TRAPPC10: variants seen among roughly 807,000 people sequenced by gnomAD.
TRAPPC10 encodes the protein trafficking protein particle complex subunit 10.
In TRAPPC10, 23 loss-of-function variants were observed where a neutral mutation model predicts 125.5. The ratio of observed to expected loss-of-function variants is 0.18; its 90% CI spans 0.13 to 0.26. The LOEUF (loss-of-function observed/expected upper bound fraction) is 0.26. TRAPPC10 is among the 10% of genes least tolerant of loss of function. The pLI, the probability that TRAPPC10 is intolerant of heterozygous loss-of-function variation, is 1.00. For synonymous variants in TRAPPC10, 509 were observed against 518.0 expected, an observed-to-expected ratio of 0.98 and a Z score of 0.24; for missense variants, 1,123 against 1,308.4, an observed-to-expected ratio of 0.86 and a Z score of 2.19.
At chr21:44,022,749 G>A (rs1432947830) in intron 1 of TRAPPC10, among the ~76,000 whole-genome samples, 1 of 151,742 alleles carries the variant, frequency 6.6e-6, no homozygotes, top group African/African-American at 2.4e-5. Context: ...AAATCTTCAT[G>A]TTCCCTCTGT....
Position 44,079,694 on chromosome 21 carries a change from C to G in TRAPPC10, c.1600C>G (p.Gln534Glu). 1 of 1,605,152 alleles carries G rather than the reference C, an allele frequency of 6.2e-7. No individual in the cohort carries two copies. Among genetic ancestry groups the G allele is most frequent in the Non-Finnish European group, 8.5e-7 (1 of 1,177,826 alleles). The change falls in exon 12 of 23, where the codon CAA becomes GAA. Residue 534 changes from glutamine (Q) to glutamate (E), a missense_variant. By Grantham distance (29) the Gln-to-Glu change is conservative (BLOSUM62 2). Transcript: ENST00000291574. ...GGCCGAATGTCAAAAGCACCTTGGA[C>G]AAATTGAAAAGTATCCTTTAATGTT... is the stretch of plus-strand genomic sequence containing the variant. ...QLAECQKHLGQIENYLQTSSL... is the reference protein window; with the variant it reads ...QLAECQKHLGEIENYLQTSSL...
intron 1 of TRAPPC10, 97 bp from the exon 2 acceptor site, chr21:44,031,993 TA>T: frequency 1.0e-6 from 1 of 976,704 alleles, no homozygotes; most frequent in Non-Finnish European, 1.6e-6. Flanking sequence ...TTACTAAACA[TA>T]AAACTACCTA....
Position 44,063,043 on chromosome 21 carries a change from C to G in TRAPPC10, c.791-495C>G, listed in dbSNP as rs1189299318. On this transcript the variant is annotated intron_variant, in intron 6 of 22. Coordinates refer to ENST00000291574, the MANE Select transcript of TRAPPC10 (RefSeq NM_003274.5). This position sits in a 1 kb window ranked among gnomAD's most constrained non-coding sequence, Gnocchi z 4.4. ...TGCTGCTACCAAGTCCTCCCTGTCC[C>G]TTCCTCCAGGAGCTTGACTCAGGGA... 1 of 1,304,292 alleles carries G rather than the reference C, an allele frequency of 7.7e-7. No individual in the cohort carries two copies. The highest frequency in any genetic ancestry group is 1.0e-6 in the Non-Finnish European group (1 of 989,100). 80.8% of individuals were successfully genotyped at this position (1,304,292 alleles called of 1,614,324 possible).
At chr21:44,033,484 A>T (rs1425251709) in intron 2 of TRAPPC10, among the ~76,000 whole-genome samples, 1 of 152,156 alleles carries the variant, frequency 6.6e-6, no homozygotes, top group African/African-American at 2.4e-5. Flanking sequence ...AAATGGAGTA[A>T]TCTGTAAGGG....
At chr21:44,025,170 G>C (rs1034210273) in intron 1 of TRAPPC10, among the ~76,000 whole-genome samples, 1 of 152,208 alleles carries the variant, frequency 6.6e-6, no homozygotes, top group Non-Finnish European at 1.5e-5. Context: ...GCGGGTTGCT[G>C]GGCTGAGGCA....
intron 7 of TRAPPC10, among the ~76,000 whole-genome samples, chr21:44,072,941 G>A (rs2036991292): frequency 6.6e-6 from 1 of 152,220 alleles, no homozygotes. Flanking sequence ...CTCCAGGCCT[G>A]CTGTGGTTTG....
intron 1 of TRAPPC10, among the ~76,000 whole-genome samples, chr21:44,026,398 T>C (rs1458930538): frequency 6.6e-6 from 1 of 152,236 alleles, no homozygotes. Flanking sequence ...TTATGCATTA[T>C]TGAACAGGCT....
At chr21:44,067,032 T>G (rs1459015381) in intron 7 of TRAPPC10, among the ~76,000 whole-genome samples, 2 of 152,010 alleles carry the variant, frequency 1.3e-5, no homozygotes, top group African/African-American at 2.4e-5. Context: ...TTTGGGGGGG[T>G]TTGGAATGTG....
At chr21:44,025,890 A>C (rs1465017897) in intron 1 of TRAPPC10, among the ~76,000 whole-genome samples, 1 of 142,256 alleles carries the variant, frequency 7.0e-6, no homozygotes, top group East Asian at 2.1e-4. Flanking sequence ...GTCAGAGGGA[A>C]GGTAGAGACC....
intron 1 of TRAPPC10, among the ~76,000 whole-genome samples, chr21:44,017,339 C>T (rs1411209074): frequency 1.3e-5 from 2 of 152,122 alleles, no homozygotes; most frequent in African/African-American, 2.4e-5. Flanking sequence ...AGCTGTGAAA[C>T]GGGTACAGTA....
intron 18 of TRAPPC10, among the ~76,000 whole-genome samples, chr21:44,090,918 C>T (rs1601830146): frequency 6.6e-6 from 1 of 152,126 alleles, no homozygotes; most frequent in South Asian, 2.1e-4. Flanking sequence ...TTCAGCCGGG[C>T]GTGGTGGCTC....
rs370368380 is a variant in TRAPPC10 at position 44,074,306 on chromosome 21, G to A, written c.1039-18G>A. ...GTCCCGGAGCACCCCTCACACGTTC[G>A]CATTTGCACCCCCACAGGTCTCTGT... On this transcript the variant is annotated intron_variant, in intron 7 of 22. Transcript: ENST00000291574. 27 of 1,613,228 alleles carry A rather than the reference G, an allele frequency of 1.7e-5. No individual in the cohort carries two copies. In the African/African-American group the frequency reaches 2.1e-4, roughly 13 times the overall value.
Position 44,063,522 on chromosome 21 carries a change from A to C in TRAPPC10, c.791-16A>C, listed in dbSNP as rs1446497295. The C allele has an allele frequency of 6.2e-7, 1 of 1,613,034 alleles. No individual in the cohort carries two copies. The highest frequency in any genetic ancestry group is 1.1e-5 in the South Asian group (1 of 90,938). On this transcript the variant is annotated splice_polypyrimidine_tract_variant and intron_variant, in intron 6 of 22. Transcript: ENST00000291574. This position sits in a 1 kb window ranked among gnomAD's most constrained non-coding sequence, Gnocchi z 4.4. ...GTACCTGCAATCAGCACCTTTCATG[A>C]TGTGTGTTTGTTTAGATGGTGCCAA...
At chr21:44,061,507 T>G (rs985998624) in intron 6 of TRAPPC10, among the ~76,000 whole-genome samples, 1 of 152,182 alleles carries the variant, frequency 6.6e-6, no homozygotes, top group African/African-American at 2.4e-5. Flanking sequence ...AACCTCGTGA[T>G]TCGCCCGCCT....
rs59898602 is a variant in TRAPPC10 at position 44,025,821 on chromosome 21, G to GGT, written c.68-6211_68-6210dup. 8.4e-3 allele frequency among the ~76,000 whole-genome samples: 922 copies of GGT among 109,886 alleles called. 19 individuals are homozygous for GGT. Among genetic ancestry groups the GGT allele is most frequent in the Non-Finnish European group, 9.7e-3 (508 of 52,622 alleles). 72.1% of individuals were successfully genotyped at this position (109,886 alleles called of 152,430 possible). On this transcript the variant is annotated intron_variant, in intron 1 of 22. Transcript: ENST00000291574. ...CTGGGAGAGAGCAGCAGAGGGCAGGGGTGTGTGTGTGTGTGTGTGTGTGTG... is the reference window on the plus strand; with the variant it reads ...CTGGGAGAGAGCAGCAGAGGGCAGGGGTGTGTGTGTGTGTGTGTGTGTGTGTG...
At chr21:44,090,667 AC>A (rs1488241221) in intron 18 of TRAPPC10, among the ~76,000 whole-genome samples, 1 of 151,964 alleles carries the variant, frequency 6.6e-6, no homozygotes, top group Non-Finnish European at 1.5e-5. Flanking sequence ...CAGGTGTCCT[AC>A]CTTAGTGACG....
chr21:44,017,517 AC>A (rs1293246547), intron 1 of TRAPPC10, among the ~76,000 whole-genome samples: 1 of 152,222 alleles, frequency 6.6e-6, no homozygotes, highest in Non-Finnish European at 1.5e-5. Context: ...TAAAAGGAAT[AC>A]TTAAAAATTC....
At chr21:44,068,118 C>CA (rs1282628289) in intron 7 of TRAPPC10, among the ~76,000 whole-genome samples, 3,440 of 76,780 alleles carry the variant, frequency 0.045, 129 homozygotes, top group African/African-American at 0.13. Flanking sequence ...GACTCCGTCT[C>CA]AAAAAAAAAA....
chr21:44,046,961 A>T lies in TRAPPC10; in HGVS notation c.286-5319A>T, dbSNP rs562804688. The T allele has an allele frequency of 1.4e-4, 118 of 838,862 alleles. No homozygotes were observed. The East Asian group carries it at 3.2e-3, about 23-fold the overall frequency. 52.0% of individuals were successfully genotyped at this position (838,862 alleles called of 1,614,324 possible). A position where few individuals can be genotyped will look rare whatever the true frequency, so the allele number is the denominator to read the frequency against. ...GTGTCGATGAATATGGCCCACTGGG[A>T]ACTGCAAGCCGGCTCTGCGAGCGGG... On this transcript the variant is annotated intron_variant, in intron 3 of 22. Transcript: ENST00000291574.
Sources: gnomAD v4.1 joint callset for allele counts (sites outside exome capture counted in the v4.1 genomes callset) on GRCh38, gnomAD v4.1.1 for gene constraint, Gnocchi (gnomAD v3.1) non-coding constraint, MANE v1.5 for transcripts, NCBI Gene and HGNC (gene_info 2026-07-23, HGNC 2026-07-21) for gene names.